The following MAN2A1 variants were observed in gnomAD, a reference collection of about 807,000 sequenced individuals.
MAN2A1 encodes alpha-mannosidase 2.
In MAN2A1, 76 loss-of-function variants were observed where a neutral mutation model predicts 142.6. That is an observed-to-expected ratio of 0.53 (90% CI 0.44 to 0.65). The LOEUF (loss-of-function observed/expected upper bound fraction) is 0.65, where lower values mean the gene tolerates loss of function less well. Ranked by LOEUF, MAN2A1 falls within the 30% of genes least tolerant of loss-of-function variation. The probability of loss-of-function intolerance (pLI) is 0.00; values close to 1 mark genes in which losing one functional copy is unlikely to be tolerated. For synonymous variants in MAN2A1, 559 were observed against 473.2 expected (o/e 1.18, Z -2.35); for missense variants, 1,311 against 1,365.1 (o/e 0.96, Z 0.62).
chr5:109,765,755 C>G (rs2301001), intron 5 of MAN2A1, among the ~76,000 whole-genome samples: 2 of 151,946 alleles, frequency 1.3e-5, no homozygotes, highest in East Asian at 3.9e-4. Context: ...TTAATATTCA[C>G]TGGGTTATAA....
intron 5 of MAN2A1, among the ~76,000 whole-genome samples, chr5:109,763,756 G>T (rs747913212): frequency 6.6e-6 from 1 of 151,368 alleles, no homozygotes; most frequent in African/African-American, 2.4e-5. Context: ...TTAATCTTTG[G>T]CTATTAATGT....
At chr5:109,732,877 T>C (rs1446453345) in intron 4 of MAN2A1, among the ~76,000 whole-genome samples, 1 of 151,800 alleles carries the variant, frequency 6.6e-6, no homozygotes, top group Non-Finnish European at 1.5e-5. Context: ...AACTTTAAAG[T>C]AGTTTTTTCC....
At chr5:109,801,338 G>A (rs1212526761) in intron 12 of MAN2A1, among the ~76,000 whole-genome samples, 2 of 152,192 alleles carry the variant, frequency 1.3e-5, no homozygotes, top group Admixed American at 6.5e-5. Context: ...GGTCATGGCA[G>A]TTGGGATAAA....
intron 7 of MAN2A1, among the ~76,000 whole-genome samples, chr5:109,771,675 G>A (rs991924659): frequency 2.6e-5 from 4 of 152,168 alleles, no homozygotes; most frequent in Non-Finnish European, 1.5e-5. Flanking sequence ...GAATAAGCCA[G>A]TATATTGTGT....
intron 20 of MAN2A1, among the ~76,000 whole-genome samples, 156 bp downstream of exon 20, chr5:109,855,490 T>A (rs1212303868): frequency 6.6e-6 from 1 of 152,210 alleles, no homozygotes; most frequent in East Asian, 1.9e-4. Context: ...TGCCTTTCAT[T>A]TGACTATTGC....
chr5:109,707,993 A>G (rs767383572), intron 1 of MAN2A1, among the ~76,000 whole-genome samples: 8 of 152,116 alleles, frequency 5.3e-5, no homozygotes, highest in Non-Finnish European at 1.0e-4. Flanking sequence ...GGGAGATACA[A>G]ATATGGGAGA....
chr5:109,760,359 A>C (rs939773779), intron 5 of MAN2A1, among the ~76,000 whole-genome samples: 1 of 152,220 alleles, frequency 6.6e-6, no homozygotes, highest in Non-Finnish European at 1.5e-5. Flanking sequence ...TATATGTGCC[A>C]TATTTTCTTT....
At chr5:109,776,767 A>G (rs985204666) in intron 8 of MAN2A1, among the ~76,000 whole-genome samples, 16 of 152,150 alleles carry the variant, frequency 1.1e-4, no homozygotes, top group Admixed American at 1.3e-4. Context: ...CAACTGCCGC[A>G]AAAGCAACCA....
chr5:109,821,615 A>AGCTTG, intron 15 of MAN2A1, among the ~76,000 whole-genome samples: 1 of 152,284 alleles, frequency 6.6e-6, no homozygotes, highest in South Asian at 2.1e-4. Context: ...TTTGCCTATA[A>AGCTTG]TAGTAAGTTA....
chr5:109,733,620 CAT>C (rs1751990276), intron 4 of MAN2A1, among the ~76,000 whole-genome samples: 1 of 152,114 alleles, frequency 6.6e-6, no homozygotes. Context: ...TTGAGATAAT[CAT>C]GTGGTTTTTG....
chr5:109,708,280 G>A (rs537652889), intron 1 of MAN2A1, among the ~76,000 whole-genome samples: 2 of 152,210 alleles, frequency 1.3e-5, no homozygotes, highest in South Asian at 2.1e-4. Context: ...TTTTCATCAG[G>A]CTTGAAACAT....
At chr5:109,770,657 T>A in intron 7 of MAN2A1, 116 bp downstream of exon 7, 6 of 921,402 alleles carry the variant, frequency 6.5e-6, no homozygotes, top group Non-Finnish European at 9.8e-6. Context: ...TTGTTTGAAG[T>A]ATTCATTCAA....
intron 12 of MAN2A1, among the ~76,000 whole-genome samples, chr5:109,790,419 T>C (rs1407090929): frequency 1.3e-5 from 2 of 151,890 alleles, no homozygotes; most frequent in Admixed American, 6.6e-5. Context: ...TAAATTTCTT[T>C]AGTAAGTAGA....
intron 4 of MAN2A1, among the ~76,000 whole-genome samples, chr5:109,747,703 T>C (rs1455401857): frequency 6.6e-6 from 1 of 152,172 alleles, no homozygotes; most frequent in Non-Finnish European, 1.5e-5. Flanking sequence ...TTTCCCCAAA[T>C]TGTTTTAGAA....
intron 5 of MAN2A1, among the ~76,000 whole-genome samples, chr5:109,765,544 A>C (rs1341050730): frequency 6.6e-6 from 1 of 152,086 alleles, no homozygotes; most frequent in Non-Finnish European, 1.5e-5. Flanking sequence ...CACTGTGTTA[A>C]ATTTTTGCCC....
Position 109,852,969 on chromosome 5 carries a change from GT to G in MAN2A1, c.2977-2170del, listed in dbSNP as rs540065257. Among the ~76,000 whole-genome samples the G allele has an allele frequency of 1.6e-3, 243 of 152,242 alleles. 1 individual carries two copies. Among genetic ancestry groups the G allele is most frequent in the South Asian group, 4.1e-3 (20 of 4,824 alleles). On this transcript the variant is annotated intron_variant, in intron 19 of 21. Transcript: ENST00000261483. The stretch of plus-strand genomic sequence containing the variant: ...ACTCCAACCTGGCCAGCCTCCAGCA[GT>G]GTTATTTTTTCATGGTGCTCTTAGG...
At chr5:109,747,167 A>G (rs970471816) in intron 4 of MAN2A1, among the ~76,000 whole-genome samples, 10 of 152,142 alleles carry the variant, frequency 6.6e-5, no homozygotes, top group African/African-American at 2.4e-4. Context: ...ATCTCCAGAA[A>G]TGGAACTGCT....
intron 4 of MAN2A1, among the ~76,000 whole-genome samples, chr5:109,742,970 A>G (rs1208353892): frequency 1.3e-5 from 2 of 152,158 alleles, no homozygotes; most frequent in South Asian, 2.1e-4. Flanking sequence ...TATTTATGTC[A>G]TGGAGACCTG....
chr5:109,746,777 C>T (rs913536060), intron 4 of MAN2A1, among the ~76,000 whole-genome samples: 2 of 152,166 alleles, frequency 1.3e-5, no homozygotes, highest in Admixed American at 6.5e-5. Context: ...TCCCGTTCCT[C>T]TTGCTCCTGG....
Sources: allele counts gnomAD v4.1 joint callset (sites outside exome capture counted in the v4.1 genomes callset), GRCh38; gene constraint gnomAD v4.1.1; transcripts MANE v1.5; gene names NCBI Gene and HGNC (gene_info 2026-07-23, HGNC 2026-07-21).